The following FAT1 variants were observed in gnomAD, a reference collection of about 807,000 sequenced individuals.
The protein encoded by FAT1 is protocadherin Fat 1.
Under a neutral mutation model 329.8 loss-of-function variants are expected in FAT1, and 171 were observed. That is an observed-to-expected ratio of 0.52 (90% CI 0.46 to 0.59). The LOEUF (loss-of-function observed/expected upper bound fraction) is 0.59, where lower values mean the gene tolerates loss of function less well. Ranked by LOEUF, FAT1 falls within the 20% of genes least tolerant of loss-of-function variation. The pLI is 0.00. For missense variants in FAT1, 5,672 were observed against 5,774.4 expected, an observed-to-expected ratio of 0.98 and a Z score of 0.57; for synonymous variants, 2,233 against 2,228.6, an observed-to-expected ratio of 1.00 and a Z score of -0.06.
chr4:186,686,846 G>A (rs897473118), intron 2 of FAT1, among the ~76,000 whole-genome samples: 2 of 152,062 alleles, frequency 1.3e-5, no homozygotes, highest in Admixed American at 6.6e-5. Context: ...TAACTCATAG[G>A]GATACTTGGG....
chr4:186,647,990 C>T (rs572459612), intron 3 of FAT1, among the ~76,000 whole-genome samples: 2 of 152,268 alleles, frequency 1.3e-5, no homozygotes, highest in African/African-American at 2.4e-5. Context: ...GTGAAACTTA[C>T]ACTGTTTGGG....
chr4:186,683,665 T>A (rs1023146783), intron 2 of FAT1, among the ~76,000 whole-genome samples: 2 of 152,060 alleles, frequency 1.3e-5, no homozygotes, highest in African/African-American at 4.8e-5. Flanking sequence ...CACTTGCCAC[T>A]CTTCTCCCTC....
In FAT1 at chr4:186,588,768, C is replaced by T. The variant is rs372186380; in HGVS notation, c.13591G>A (p.Ala4531Thr). The change falls in exon 27 of 27, where the codon GCT becomes ACT. Residue 4531 changes from alanine to threonine, a missense_variant. Physicochemically the swap from Ala to Thr is moderately conservative, Grantham distance 58. Around this residue, in one of 2 missense-constraint regions of FAT1, gnomAD observed 1,706 missense variants for 1,859.1 expected, o/e 0.92. Transcript: ENST00000441802. ...ACAGACATGGGCATGCTCTCGACAGCGGGCGCCTCGAAGTGTCTTTGATAC... is the reference window on the plus strand; with the variant it reads ...ACAGACATGGGCATGCTCTCGACAGTGGGCGCCTCGAAGTGTCTTTGATAC... The part of the protein sequence containing the change: ...PGYQRHFEAP[A>T]VESMPMSVYA... The T allele has an allele frequency of 5.5e-5, 89 of 1,613,854 alleles. No homozygotes were observed. The highest frequency in any genetic ancestry group is 1.3e-4 in the East Asian group (6 of 44,878).
At chr4:186,645,566 T>C (rs1173487844) in intron 3 of FAT1, among the ~76,000 whole-genome samples, 1 of 150,938 alleles carries the variant, frequency 6.6e-6, no homozygotes, top group Non-Finnish European at 1.5e-5. Context: ...AGTATTGAAG[T>C]TGGGGGTTCA....
In FAT1 at chr4:186,606,076, AAT is replaced by A. The variant is rs1358231819; in HGVS notation, c.10342_10343del (p.Ile3448TyrfsTer5). ...PVFSRGNYSV[I>X]IQENKPVGFS... ...CTTGGCACTCGAAGCCCACCTGGAT[AAT>A]GACACTGTAGTTTCCCCTGGAGAAG... is the stretch of plus-strand genomic sequence containing the variant. On this transcript the variant is annotated frameshift_variant, in exon 17 of 27. Coordinates refer to ENST00000441802, the MANE Select transcript of FAT1 (RefSeq NM_005245.4). LOFTEE classifies it high-confidence loss of function. 1 of 1,613,040 alleles carries A rather than the reference AAT, an allele frequency of 6.2e-7. No homozygotes were observed. The highest frequency in any genetic ancestry group is 2.2e-5 in the East Asian group (1 of 44,854).
chr4:186,668,608 C>T (rs1742577130), intron 2 of FAT1, among the ~76,000 whole-genome samples: 2 of 152,164 alleles, frequency 1.3e-5, no homozygotes, highest in South Asian at 2.1e-4. Flanking sequence ...CCAGCTGTCT[C>T]CAAGTATGAC....
At chr4:186,669,287 G>A (rs1742620118) in intron 2 of FAT1, among the ~76,000 whole-genome samples, 1 of 152,188 alleles carries the variant, frequency 6.6e-6, no homozygotes, top group South Asian at 2.1e-4. Flanking sequence ...AGAGCCGTGA[G>A]AGGGGTGACA....
rs1485607928 is a variant in FAT1, at chr4:186,708,451, A to T, written c.1377T>A (p.Asn459Lys). 3 of 1,613,866 alleles carry T rather than the reference A, an allele frequency of 1.9e-6. No homozygotes were observed. Among genetic ancestry groups the T allele is most frequent in the Admixed American group, 1.7e-5 (1 of 60,008 alleles). The change falls in exon 2 of 27, where the codon AAT becomes AAA. Residue 459 changes from asparagine to lysine, a missense_variant. Transcript: ENST00000441802. ...VLVKVLGANSNPPEFTQTAYK... is the reference protein window; with the variant it reads ...VLVKVLGANSKPPEFTQTAYK... ...ACGCTGTCTGGGTAAATTCAGGGGGATTGCTATTTGCACCTAAGACTTTCA... is the reference window on the plus strand; with the variant it reads ...ACGCTGTCTGGGTAAATTCAGGGGGTTTGCTATTTGCACCTAAGACTTTCA...
At chr4:186,645,963 A>G in intron 3 of FAT1, among the ~76,000 whole-genome samples, 1 of 63,020 alleles carries the variant, frequency 1.6e-5, no homozygotes, top group African/African-American at 7.2e-5. Context: ...AAAAAAAAAA[A>G]TATATACACA....
intron 3 of FAT1, among the ~76,000 whole-genome samples, chr4:186,641,494 T>C (rs539200482): frequency 2.6e-5 from 4 of 152,226 alleles, no homozygotes; most frequent in African/African-American, 4.8e-5. Context: ...CATCTAATTA[T>C]TGTAATGTGT....
intron 2 of FAT1, among the ~76,000 whole-genome samples, chr4:186,670,423 C>A (rs894977083): frequency 6.6e-6 from 1 of 152,164 alleles, no homozygotes; most frequent in African/African-American, 2.4e-5. Flanking sequence ...ATTCAATACC[C>A]TCAGCGTAAA....
intron 2 of FAT1, among the ~76,000 whole-genome samples, chr4:186,671,051 G>A (rs1048772964): frequency 6.6e-6 from 1 of 152,086 alleles, no homozygotes; most frequent in Admixed American, 6.5e-5. Context: ...CCATTTTTCT[G>A]CAAATGTTTT....
chr4:186,691,485 T>G (rs1424365418), intron 2 of FAT1, among the ~76,000 whole-genome samples: 1 of 152,140 alleles, frequency 6.6e-6, no homozygotes, highest in African/African-American at 2.4e-5. Flanking sequence ...CATGAGAAAA[T>G]TTTTTGTTAG....
Position 186,709,096 on chromosome 4 carries a change from C to T in FAT1, c.732G>A (p.Thr244=), listed in dbSNP as rs374978739. 3.1e-6 allele frequency: 5 copies of T among 1,613,662 alleles called. No individual in the cohort carries two copies. The highest frequency in any genetic ancestry group is 1.3e-5 in the African/African-American group (1 of 74,900). ...ATTCATTGGCCTGTTCGATGTGCAC[C>T]GTTAGCTTGGCCATGCTGCTGATGC... ...SSGISSMAKL[T]VHIEQANECA... Residue 244 remains threonine (T), a synonymous_variant, in exon 2 of 27, where the codon ACG becomes ACA. Coordinates refer to ENST00000441802, the MANE Select transcript of FAT1 (RefSeq NM_005245.4).
At chr4:186,683,550 A>C (rs553683962) in intron 2 of FAT1, among the ~76,000 whole-genome samples, 2 of 152,246 alleles carry the variant, frequency 1.3e-5, no homozygotes, top group African/African-American at 4.8e-5. Context: ...AAATTTTCCG[A>C]AAGTTTTGCT....
At position 186,620,074 on chromosome 4, in the gene FAT1, G is replaced by C. The variant is rs753722602; in HGVS notation, c.6512C>G (p.Pro2171Arg). 6 of 1,613,968 alleles carry C rather than the reference G, an allele frequency of 3.7e-6. No homozygotes were observed. The highest frequency in any genetic ancestry group is 3.3e-5 in the Admixed American group (2 of 60,010). Residue 2171 changes from proline (P) to arginine (R), a missense_variant, in exon 10 of 27, where the codon CCG becomes CGG. Around this residue, in one of 2 missense-constraint regions of FAT1, gnomAD observed 3,966 missense variants for 3,915.2 expected, o/e 1.01. Transcript: ENST00000441802. The stretch of plus-strand genomic sequence containing the variant: ...CATGGCTTTATTCATGACAGTGATC[G>C]GAACGATAACTTCCGCTGAAAAGGC... ...NPAFSAEVIV[P>R]ITVMNKAMPV...
At chr4:186,719,419 T>G (rs924599587) in intron 1 of FAT1, among the ~76,000 whole-genome samples, 6 of 152,350 alleles carry the variant, frequency 3.9e-5, no homozygotes, top group African/African-American at 1.4e-4. Flanking sequence ...GACTTGAGCA[T>G]TCTCAGATTT....
In FAT1 at chr4:186,709,584, G is replaced by T. The variant is rs1233493672; in HGVS notation, c.244C>A (p.Leu82Met). Reference protein sequence around the residue: ...YKIVSGDSENLFKAEEYILGD... With the variant: ...YKIVSGDSENMFKAEEYILGD... ...AGAATGTACTCTTCAGCTTTGAACA[G>T]GTTTTCACTGTCTCCGGAAACAATT... The change falls in exon 2 of 27, where the codon CTG becomes ATG. Residue 82 changes from leucine (L) to methionine (M), a missense_variant. Transcript: ENST00000441802. 6.2e-7 allele frequency: 1 copy of T among 1,613,986 alleles called. No individual in the cohort carries two copies.
At chr4:186,590,963 A>G (rs1310961559) in intron 26 of FAT1, among the ~76,000 whole-genome samples, 1 of 152,242 alleles carries the variant, frequency 6.6e-6, no homozygotes, top group African/African-American at 2.4e-5. Flanking sequence ...ACTGTGAGCC[A>G]TTCCCTAAAG....
Sources: allele counts gnomAD v4.1 joint callset (sites outside exome capture counted in the v4.1 genomes callset), GRCh38; gene constraint gnomAD v4.1.1; regional missense constraint gnomAD v4.1.1; transcripts MANE v1.5; gene names NCBI Gene and HGNC (gene_info 2026-07-23, HGNC 2026-07-21).